Variants in GAREM1 observed in about 807,000 individuals in gnomAD.
GAREM1 encodes the protein GRB2 associated regulator of MAPK1 subtype 1.
GAREM1 carries 26 observed loss-of-function variants against 71.3 expected under a neutral mutation model. The ratio of observed to expected loss-of-function variants is 0.36; its 90% CI spans 0.27 to 0.51. The LOEUF (loss-of-function observed/expected upper bound fraction) is 0.51. Among genes scored for constraint, GAREM1 ranks in the 20% least tolerant of loss-of-function variants. The probability of loss-of-function intolerance (pLI) is 0.95; values close to 1 mark genes in which losing one functional copy is unlikely to be tolerated. For missense variants in GAREM1, 1,026 were observed against 1,103.1 expected, an observed-to-expected ratio of 0.93 and a Z score of 0.99; for synonymous variants, 440 against 433.2, an observed-to-expected ratio of 1.02 and a Z score of -0.20.
chr18:32,408,811 A>C (rs2048389054), intron 1 of GAREM1, among the ~76,000 whole-genome samples: 2 of 152,190 alleles, frequency 1.3e-5, no homozygotes, highest in Non-Finnish European at 2.9e-5. Flanking sequence ...ATGCCAATCA[A>C]ATCAGAAAGG....
At chr18:32,409,836 T>C (rs927109019) in intron 1 of GAREM1, among the ~76,000 whole-genome samples, 2 of 152,136 alleles carry the variant, frequency 1.3e-5, no homozygotes, top group African/African-American at 4.8e-5. Context: ...TCTGCAAACA[T>C]TAATAATATA....
chr18:32,275,986 C>A (rs140588727), intron 4 of GAREM1, among the ~76,000 whole-genome samples: 1 of 152,310 alleles, frequency 6.6e-6, no homozygotes, highest in African/African-American at 2.4e-5. Flanking sequence ...AAGTCTGTCT[C>A]TTTTCTAAAA....
chr18:32,296,713 T>TG (rs1426964524), intron 3 of GAREM1, among the ~76,000 whole-genome samples: 1 of 151,560 alleles, frequency 6.6e-6, no homozygotes, highest in Admixed American at 6.6e-5. Flanking sequence ...GGCAGTTTTT[T>TG]TTTTTTTTTA....
At chr18:32,431,653 T>C (rs958228990) in intron 1 of GAREM1, among the ~76,000 whole-genome samples, 3 of 151,912 alleles carry the variant, frequency 2.0e-5, no homozygotes, top group Admixed American at 2.0e-4. Flanking sequence ...AATAAAGGAA[T>C]AATGGCTAAA....
At chr18:32,466,630 A>C (rs1470293792) in intron 1 of GAREM1, among the ~76,000 whole-genome samples, 1 of 152,164 alleles carries the variant, frequency 6.6e-6, no homozygotes. Flanking sequence ...TGAGGAGGAG[A>C]GAGAAAATGA....
intron 3 of GAREM1, 59 bp from the exon 4 acceptor site, chr18:32,288,262 C>T (rs2047047608): frequency 7.2e-7 from 1 of 1,392,254 alleles, no homozygotes; most frequent in Non-Finnish European, 9.7e-7. Context: ...ACGCAAAGAA[C>T]TTCCTATTAA....
rs1468083522 is a variant in GAREM1 at position 32,267,677 on chromosome 18, T to C, written c.*194A>G. ...ACGTACAAGGCACACCTCCAAGTGTTCTGTACAGCATTTTTATTGATGTAC... is the reference window on the plus strand; with the variant it reads ...ACGTACAAGGCACACCTCCAAGTGTCCTGTACAGCATTTTTATTGATGTAC... On this transcript the variant is annotated 3_prime_UTR_variant, in exon 6 of 6. Transcript: ENST00000269209. 2 of 560,010 alleles carry C rather than the reference T, an allele frequency of 3.6e-6. No individual in the cohort carries two copies. The highest frequency in any genetic ancestry group is 6.3e-6 in the Non-Finnish European group (2 of 317,402). 34.7% of individuals were successfully genotyped at this position (560,010 alleles called of 1,614,324 possible). A position where few individuals can be genotyped will look rare whatever the true frequency, so the allele number is the denominator to read the frequency against.
intron 1 of GAREM1, among the ~76,000 whole-genome samples, chr18:32,424,328 C>T (rs1051519851): frequency 1.3e-5 from 2 of 152,148 alleles, no homozygotes; most frequent in Admixed American, 6.5e-5. Context: ...TATACTTGTG[C>T]AAACACGGTT....
chr18:32,435,518 C>T (rs2048667511), intron 1 of GAREM1, among the ~76,000 whole-genome samples: 3 of 152,008 alleles, frequency 2.0e-5, no homozygotes, highest in Admixed American at 6.5e-5. Flanking sequence ...CATTTGTCTG[C>T]AGAACATCAT....
intron 3 of GAREM1, among the ~76,000 whole-genome samples, chr18:32,303,607 G>T (rs1012524080): frequency 6.6e-6 from 1 of 152,134 alleles, no homozygotes; most frequent in Non-Finnish European, 1.5e-5. Context: ...TAAGTCACTG[G>T]GTAGGAAGTA....
intron 2 of GAREM1, among the ~76,000 whole-genome samples, chr18:32,367,023 T>C (rs778461081): frequency 6.6e-6 from 1 of 152,210 alleles, no homozygotes; most frequent in Non-Finnish European, 1.5e-5. Flanking sequence ...GCAGTGCTCA[T>C]GTCTTTAATA....
intron 1 of GAREM1, among the ~76,000 whole-genome samples, chr18:32,437,944 AAC>A (rs2048694948): frequency 6.6e-6 from 1 of 152,140 alleles, no homozygotes; most frequent in South Asian, 2.1e-4. Context: ...TCCATCTAAA[AAC>A]AGTTGAACTG....
At chr18:32,396,673 C>A (rs892166213) in intron 1 of GAREM1, among the ~76,000 whole-genome samples, 1 of 152,134 alleles carries the variant, frequency 6.6e-6, no homozygotes, top group Non-Finnish European at 1.5e-5. Context: ...ACCAAATCTA[C>A]GTCTGATTGG....
At position 32,421,159 on chromosome 18, in the gene GAREM1, A is replaced by C. The variant is rs564082586; in HGVS notation, c.122-28124T>G. Among the ~76,000 whole-genome samples the C allele has an allele frequency of 1.1e-4, 17 of 152,316 alleles. 1 individual carries two copies. In the South Asian group the frequency reaches 3.5e-3, roughly 32 times the overall value. ...ACAGGCCCAGTAAGTTACTTAACCC[A>C]CTTCCCTCATCAGTAAAATGCAGAT... On this transcript the variant is annotated intron_variant, in intron 1 of 5. Transcript: ENST00000269209.
intron 3 of GAREM1, among the ~76,000 whole-genome samples, chr18:32,295,580 G>A (rs2047131862): frequency 6.6e-6 from 1 of 152,152 alleles, no homozygotes; most frequent in African/African-American, 2.4e-5. Context: ...TAGAAAACTA[G>A]GAAGAGCAAC....
intron 1 of GAREM1, among the ~76,000 whole-genome samples, chr18:32,427,518 A>T (rs1002131134): frequency 3.9e-5 from 6 of 152,190 alleles, no homozygotes; most frequent in Non-Finnish European, 1.5e-5. Flanking sequence ...GAGGGAGCTG[A>T]GGTCTGGTGC....
intron 3 of GAREM1, among the ~76,000 whole-genome samples, chr18:32,308,375 C>T (rs1456482813): frequency 1.3e-5 from 2 of 149,964 alleles, no homozygotes; most frequent in African/African-American, 4.9e-5. Flanking sequence ...AAATAGTATA[C>T]ATGAGCAATA....
Position 32,293,162 on chromosome 18 carries a change from G to A in GAREM1, c.394-4959C>T, listed in dbSNP as rs185801059. On this transcript the variant is annotated intron_variant, in intron 3 of 5. Transcript: ENST00000269209. ...ACACACAGACACACACACACACACA[G>A]ACACACACACACACGTATATCTTAG... Among the ~76,000 whole-genome samples, 6 of 149,930 alleles carry A rather than the reference G, an allele frequency of 4.0e-5. No individual in the cohort carries two copies. The South Asian group carries it at 1.3e-3, about 32-fold the overall frequency.
intron 1 of GAREM1, among the ~76,000 whole-genome samples, chr18:32,414,184 C>T (rs2048445952): frequency 6.6e-6 from 1 of 152,010 alleles, no homozygotes; most frequent in Non-Finnish European, 1.5e-5. Flanking sequence ...TTAAGGTTTT[C>T]ACAGACAATG....
Sources: gnomAD v4.1 joint callset for allele counts (sites outside exome capture counted in the v4.1 genomes callset) on GRCh38, gnomAD v4.1.1 for gene constraint, MANE v1.5 for transcripts, NCBI Gene and HGNC (gene_info 2026-07-23, HGNC 2026-07-21) for gene names.